DENND2B: variants seen among roughly 807,000 people sequenced by gnomAD.
DENND2B encodes DENN domain containing 2B.
Under a neutral mutation model 116.0 loss-of-function variants are expected in DENND2B, and 32 were observed. That is an observed-to-expected ratio of 0.28 (90% CI 0.21 to 0.37). DENND2B has a LOEUF of 0.37. Ranked by LOEUF, DENND2B falls within the 10% of genes least tolerant of loss-of-function variation. DENND2B has a pLI of 1.00. For missense variants in DENND2B, 1,276 were observed against 1,477.7 expected (o/e 0.86, Z 2.24); for synonymous variants, 588 against 583.9 (o/e 1.01, Z -0.10).
chr11:8,745,025 TCCTG>T lies in DENND2B; in HGVS notation c.80+5592_80+5595del, dbSNP rs372245244. On this transcript the variant is annotated intron_variant, in intron 2 of 19. Transcript: ENST00000313726. ...CTCCATCTCCCAGGCTCAAGAATCC[TCCTG>T]CCTTAGCTTCTAGAGGAGCTGGGGC... Among the ~76,000 whole-genome samples, 282 of 151,662 alleles carry T rather than the reference TCCTG, an allele frequency of 1.9e-3. 2 individuals carry two copies. The highest frequency in any genetic ancestry group is 6.3e-3 in the African/African-American group (261 of 41,358).
At chr11:8,818,333 T>C (rs1218237501) in intron 4 of DENND2B, among the ~76,000 whole-genome samples, 4 of 151,760 alleles carry the variant, frequency 2.6e-5, no homozygotes, top group Admixed American at 2.6e-4. Context: ...AACAATGACC[T>C]TAACCTACCA....
intron 1 of DENND2B, among the ~76,000 whole-genome samples, chr11:8,760,865 G>C (rs1262903717): frequency 1.3e-5 from 2 of 152,118 alleles, no homozygotes; most frequent in African/African-American, 4.8e-5. Flanking sequence ...GGATAGGTGG[G>C]TGTTTTTACA....
chr11:8,750,113 AAACG>A (rs1175305313), intron 2 of DENND2B, among the ~76,000 whole-genome samples: 48 of 152,240 alleles, frequency 3.2e-4, no homozygotes, highest in Non-Finnish European at 6.0e-4. Flanking sequence ...GGGCACAGGG[AAACG>A]TTCTGAGAGC....
intron 1 of DENND2B, among the ~76,000 whole-genome samples, chr11:8,779,378 G>A (rs996460170): frequency 1.2e-4 from 18 of 152,294 alleles, no homozygotes; most frequent in Admixed American, 5.2e-4. Context: ...AGGTATGGAG[G>A]AAGGAAAGTG....
chr11:8,755,152 G>C, intron 1 of DENND2B, among the ~76,000 whole-genome samples: 1 of 152,152 alleles, frequency 6.6e-6, no homozygotes, highest in East Asian at 1.9e-4. Flanking sequence ...CACAGCCTAG[G>C]CGAACACCAC....
At chr11:8,835,179 G>A (rs2062370623) in intron 4 of DENND2B, among the ~76,000 whole-genome samples, 1 of 152,182 alleles carries the variant, frequency 6.6e-6, no homozygotes, top group Admixed American at 6.5e-5. Context: ...AGAGGGTGGA[G>A]GCTGCAGTGA....
chr11:8,738,288 A>T (rs1407459390), intron 2 of DENND2B, among the ~76,000 whole-genome samples: 2 of 152,146 alleles, frequency 1.3e-5, no homozygotes, highest in African/African-American at 4.8e-5. Flanking sequence ...CTGTTTCTTG[A>T]GCGTCTCAGG....
intron 16 of DENND2B, chr11:8,697,842 T>C: frequency 5.1e-6 from 3 of 589,804 alleles, no homozygotes; most frequent in East Asian, 3.0e-5. Flanking sequence ...TTAAAAGTGG[T>C]AGAGGGTCAG....
rs942256558 is a variant in DENND2B at position 8,721,351 on chromosome 11, C to G, written c.1478-3459G>C. Among the ~76,000 whole-genome samples the G allele has an allele frequency of 2.0e-5, 3 of 152,112 alleles. No individual in the cohort carries two copies. In the East Asian group the frequency reaches 5.8e-4, roughly 29 times the overall value. On this transcript the variant is annotated intron_variant, in intron 4 of 19. Coordinates refer to ENST00000313726, the MANE Select transcript of DENND2B (RefSeq NM_213618.2). Reference sequence around the variant, plus strand: ...ACTCCTTTGGTCTTAACCACACATACAGCACTCCCCCAGCCCCAACCTAAC... The same window carrying G: ...ACTCCTTTGGTCTTAACCACACATAGAGCACTCCCCCAGCCCCAACCTAAC...
intron 4 of DENND2B, among the ~76,000 whole-genome samples, chr11:8,725,256 C>T (rs1233316117): frequency 6.6e-6 from 1 of 152,160 alleles, no homozygotes; most frequent in Admixed American, 6.5e-5. Flanking sequence ...CAGAGAACTC[C>T]CTCCGCCCCT....
At chr11:8,713,578 C>T (rs2044168826) in intron 8 of DENND2B, among the ~76,000 whole-genome samples, 1 of 152,184 alleles carries the variant, frequency 6.6e-6, no homozygotes, top group Non-Finnish European at 1.5e-5. Flanking sequence ...GATGGGGTTT[C>T]ACCATCTTAG....
rs114706465 is a variant in DENND2B, at chr11:8,706,376, A to G, written c.2571+709T>C. On this transcript the variant is annotated intron_variant, in intron 13 of 19. Coordinates refer to ENST00000313726, the MANE Select transcript of DENND2B (RefSeq NM_213618.2). Reference sequence around the variant, plus strand: ...ATCGTGATTGGGTTCTTGCCTGCCAACCCACCCCTCTACCCCCACCCCATC... The same window carrying G: ...ATCGTGATTGGGTTCTTGCCTGCCAGCCCACCCCTCTACCCCCACCCCATC... Among the ~76,000 whole-genome samples the G allele has an allele frequency of 7.8e-3, 1,169 of 149,560 alleles. 17 individuals are homozygous for G. The highest frequency in any genetic ancestry group is 0.027 in the African/African-American group (1,126 of 41,080).
At chr11:8,718,936 G>T (rs2045627970) in intron 4 of DENND2B, 2 of 988,238 alleles carry the variant, frequency 2.0e-6, no homozygotes, top group Non-Finnish European at 2.4e-6. Context: ...TCCGTGGGGT[G>T]AACAGGTCCC....
chr11:8,869,481 G>A (rs1448716568), intron 2 of DENND2B, among the ~76,000 whole-genome samples: 1 of 152,062 alleles, frequency 6.6e-6, no homozygotes, highest in Non-Finnish European at 1.5e-5. Flanking sequence ...TGGCCAACAT[G>A]GGGAACCCCA....
chr11:8,766,592 A>G, intron 1 of DENND2B: 10 of 1,287,184 alleles, frequency 7.8e-6, no homozygotes, highest in East Asian at 5.5e-5. Flanking sequence ...CCATCCACTG[A>G]AAGGCCAACT....
upstream of DENND2B, among the ~76,000 whole-genome samples, chr11:8,872,719 G>A (rs138069004): frequency 6.6e-6 from 1 of 152,180 alleles, no homozygotes; most frequent in Non-Finnish European, 1.5e-5. Context: ...TGCAGTCTGC[G>A]CATGAAAAAT....
At chr11:8,827,547 G>A (rs771388724) in intron 4 of DENND2B, among the ~76,000 whole-genome samples, 3 of 152,184 alleles carry the variant, frequency 2.0e-5, no homozygotes, top group Admixed American at 1.3e-4. Context: ...CATACTCTGG[G>A]AAAATTTGGC....
chr11:8,875,132 G>T (rs1484458169), upstream of DENND2B, among the ~76,000 whole-genome samples: 1 of 152,002 alleles, frequency 6.6e-6, no homozygotes, highest in Non-Finnish European at 1.5e-5. Flanking sequence ...GACCATCCTG[G>T]CTAAGACGGT....
At chr11:8,727,964 AACACACACAC>A (rs55688240) in intron 3 of DENND2B, among the ~76,000 whole-genome samples, 24,627 of 138,370 alleles carry the variant, frequency 0.18, 2,539 homozygotes, top group Middle Eastern at 0.28. Context: ...ATTTTACACA[AACACACACAC>A]ACACACACAC....
Sources: gnomAD v4.1 joint callset for allele counts (sites outside exome capture counted in the v4.1 genomes callset) on GRCh38, gnomAD v4.1.1 for gene constraint, MANE v1.5 for transcripts, NCBI Gene and HGNC (gene_info 2026-07-23, HGNC 2026-07-21) for gene names.